DPP10: variants seen among roughly 807,000 people sequenced by gnomAD.
The protein encoded by DPP10 is dipeptidyl peptidase like 10.
In DPP10, 33 loss-of-function variants were observed where a neutral mutation model predicts 120.9. That is an observed-to-expected ratio of 0.27 (90% CI 0.21 to 0.37). DPP10 has a LOEUF of 0.37. Ranked by LOEUF, DPP10 falls within the 10% of genes least tolerant of loss-of-function variation. DPP10 has a pLI of 1.00. For synonymous variants in DPP10, 337 were observed against 326.1 expected, an observed-to-expected ratio of 1.03 and a Z score of -0.36; for missense variants, 816 against 942.8, an observed-to-expected ratio of 0.87 and a Z score of 1.76.
intron 1 of DPP10, among the ~76,000 whole-genome samples, chr2:114,960,567 T>C (rs1343758177): frequency 2.0e-5 from 3 of 152,110 alleles, no homozygotes; most frequent in African/African-American, 4.8e-5. Context: ...AACTAAAATA[T>C]AATTTTAAGT....
chr2:114,531,207 G>T (rs981621658), intron 1 of DPP10, among the ~76,000 whole-genome samples: 1 of 152,034 alleles, frequency 6.6e-6, no homozygotes, highest in Non-Finnish European at 1.5e-5. Context: ...GGGGAAGGGA[G>T]GCATAAATAA....
intron 1 of DPP10, among the ~76,000 whole-genome samples, chr2:115,268,777 C>A (rs2059565852): frequency 6.6e-6 from 1 of 152,164 alleles, no homozygotes; most frequent in Non-Finnish European, 1.5e-5. Context: ...AGATATAAGA[C>A]CAAGACACTT....
At chr2:114,477,813 ATGTG>A (rs144036457) in intron 1 of DPP10, among the ~76,000 whole-genome samples, 173 of 148,800 alleles carry the variant, frequency 1.2e-3, no homozygotes, top group Middle Eastern at 3.7e-3. Flanking sequence ...ATACATACAT[ATGTG>A]TGTATATATG....
rs1687231380 is a variant in DPP10, at chr2:114,544,697, AATT to A, written c.60+101861_60+101863del. Among the ~76,000 whole-genome samples, 7 of 151,282 alleles carry A rather than the reference AATT, an allele frequency of 4.6e-5. No homozygotes were observed. The South Asian group carries it at 1.5e-3, about 31-fold the overall frequency. On this transcript the variant is annotated intron_variant, in intron 1 of 25. Coordinates refer to ENST00000410059, the MANE Select transcript of DPP10 (RefSeq NM_020868.6). ...TTAAAATTTATACATTAAGCGTAAT[AATT>A]AAGTGCTCAATTTATTGATTATATT...
chr2:115,021,609 T>C (rs896326653), intron 1 of DPP10, among the ~76,000 whole-genome samples: 3 of 152,150 alleles, frequency 2.0e-5, no homozygotes, highest in Non-Finnish European at 2.9e-5. Flanking sequence ...ACCAATGCTA[T>C]GACACTATTC....
intron 1 of DPP10, among the ~76,000 whole-genome samples, chr2:115,039,707 T>C (rs1289583358): frequency 6.6e-6 from 1 of 152,182 alleles, no homozygotes; most frequent in East Asian, 1.9e-4. Flanking sequence ...GGTTTTTTGG[T>C]AGTTTTGGGT....
intron 1 of DPP10, among the ~76,000 whole-genome samples, chr2:114,743,651 T>C (rs1399213089): frequency 6.6e-6 from 1 of 152,208 alleles, no homozygotes; most frequent in Non-Finnish European, 1.5e-5. Context: ...TGATTGTGTG[T>C]TCTCTTTGTG....
At chr2:114,691,324 A>G (rs1362377457) in intron 1 of DPP10, among the ~76,000 whole-genome samples, 1 of 152,088 alleles carries the variant, frequency 6.6e-6, no homozygotes, top group Admixed American at 6.6e-5. Context: ...TGAGGTAATC[A>G]TGTGGTTTTT....
intron 1 of DPP10, among the ~76,000 whole-genome samples, chr2:114,948,999 A>C (rs1450017969): frequency 6.6e-6 from 1 of 151,388 alleles, no homozygotes; most frequent in Non-Finnish European, 1.5e-5. Flanking sequence ...ATCTCAGCTC[A>C]CTTCAACCTC....
intron 3 of DPP10, among the ~76,000 whole-genome samples, chr2:115,377,143 G>A (rs183916969): frequency 2.1e-3 from 318 of 152,210 alleles, no homozygotes; most frequent in African/African-American, 7.1e-3. Flanking sequence ...TTCCACAATG[G>A]TTGAACTAGT....
intron 5 of DPP10, among the ~76,000 whole-genome samples, chr2:115,568,546 G>A (rs572482992): frequency 3.8e-4 from 25 of 65,808 alleles, no homozygotes; most frequent in African/African-American, 1.3e-3. Flanking sequence ...ATTGCGATGA[G>A]GTTGATCTTT....
chr2:114,714,710 T>G (rs991216950), intron 1 of DPP10, among the ~76,000 whole-genome samples: 1 of 152,122 alleles, frequency 6.6e-6, no homozygotes, highest in South Asian at 2.1e-4. Flanking sequence ...CTTTGAGACC[T>G]AGATTATGTT....
intron 1 of DPP10, among the ~76,000 whole-genome samples, chr2:114,751,300 G>T (rs530647209): frequency 6.6e-6 from 1 of 152,240 alleles, no homozygotes; most frequent in African/African-American, 2.4e-5. Context: ...ATATATACAA[G>T]TGCTTTTGCT....
intron 1 of DPP10, among the ~76,000 whole-genome samples, chr2:115,071,441 G>A (rs1041894148): frequency 1.4e-4 from 22 of 152,110 alleles, no homozygotes; most frequent in African/African-American, 4.3e-4. Context: ...AGAGAGATGG[G>A]AGCCAAAGCT....
intron 7 of DPP10, among the ~76,000 whole-genome samples, chr2:115,723,802 A>G (rs2092704872): frequency 6.6e-6 from 1 of 152,134 alleles, no homozygotes; most frequent in African/African-American, 2.4e-5. Context: ...ATTATCTGGG[A>G]TACTTTCTTA....
At chr2:114,502,169 G>T (rs1683250685) in intron 1 of DPP10, among the ~76,000 whole-genome samples, 1 of 151,900 alleles carries the variant, frequency 6.6e-6, no homozygotes. Context: ...TGGCCAGGCT[G>T]GTCTTGAACT....
At chr2:114,643,848 C>G (rs1472089022) in intron 1 of DPP10, among the ~76,000 whole-genome samples, 1 of 150,566 alleles carries the variant, frequency 6.6e-6, no homozygotes, top group Non-Finnish European at 1.5e-5. Context: ...TTCTCTAAAC[C>G]CACTTGATTA....
chr2:114,451,293 G>A (rs1346418759), intron 1 of DPP10, among the ~76,000 whole-genome samples: 3 of 152,010 alleles, frequency 2.0e-5, no homozygotes, highest in African/African-American at 7.2e-5. Flanking sequence ...ATAGAGCACT[G>A]GACTCGTTCT....
rs539101560 is a variant in DPP10, at chr2:114,664,895, CAG to C, written c.60+222062_60+222063del. The stretch of plus-strand genomic sequence containing the variant: ...ATGGCATAGAGCATCCAAAAGATGG[CAG>C]AGAGCATCCAAAAGATGGCAGAGAG... On this transcript the variant is annotated intron_variant, in intron 1 of 25. Transcript: ENST00000410059. 2.6e-4 allele frequency among the ~76,000 whole-genome samples: 39 copies of C among 150,736 alleles called. No homozygotes were observed. In the South Asian group the frequency reaches 6.9e-3, roughly 27 times the overall value.
Sources: allele counts gnomAD v4.1 joint callset (sites outside exome capture counted in the v4.1 genomes callset), GRCh38; gene constraint gnomAD v4.1.1; transcripts MANE v1.5; gene names NCBI Gene and HGNC (gene_info 2026-07-23, HGNC 2026-07-21).